Variants in PFKL observed in about 807,000 individuals in gnomAD.
The protein encoded by PFKL is ATP-dependent 6-phosphofructokinase, liver type.
Under a neutral mutation model 92.1 loss-of-function variants are expected in PFKL, and 74 were observed. The observed-to-expected ratio is 0.80, with a 90% confidence interval of 0.67 to 0.97. The LOEUF (loss-of-function observed/expected upper bound fraction) is 0.97. Among genes scored for constraint, PFKL ranks in the 50% least tolerant of loss-of-function variants. The pLI is 0.00. For synonymous variants in PFKL, 494 were observed against 456.4 expected, an observed-to-expected ratio of 1.08 and a Z score of -1.05; for missense variants, 1,028 against 1,116.6, an observed-to-expected ratio of 0.92 and a Z score of 1.13.
chr21:44,312,382 G>C, intron 4 of PFKL, 88 bp downstream of exon 4: 1 of 1,249,774 alleles, frequency 8.0e-7, no homozygotes, highest in Non-Finnish European at 1.1e-6. Flanking sequence ...AGAGGGACGA[G>C]GGATCCCTGG....
At position 44,327,227 on chromosome 21, in the gene PFKL, C is replaced by T. The variant is rs908456625; in HGVS notation, c.*365C>T. ...TGGGCCAGCCCTTGCTCTACCTGGC[C>T]GGTAGGCTGCTGGCGCCTAGGTTGT... On this transcript the variant is annotated 3_prime_UTR_variant, in exon 22 of 22. Coordinates refer to ENST00000349048, the MANE Select transcript of PFKL (RefSeq NM_002626.6). 6 of 279,228 alleles carry T rather than the reference C, an allele frequency of 2.1e-5. No individual in the cohort carries two copies. Among genetic ancestry groups the T allele is most frequent in the South Asian group, 1.7e-4 (3 of 17,424 alleles). 17.3% of individuals were successfully genotyped at this position (279,228 alleles called of 1,614,324 possible). A position where few individuals can be genotyped will look rare whatever the true frequency, so the allele number is the denominator to read the frequency against.
At position 44,319,306 on chromosome 21, in the gene PFKL, C is replaced by G. The variant is rs118051904; in HGVS notation, c.1063-45C>G. On this transcript the variant is annotated intron_variant, in intron 10 of 21. Coordinates refer to ENST00000349048, the MANE Select transcript of PFKL (RefSeq NM_002626.6). ...AGACAGGGCAGTAGCCATGGGTGTG[C>G]GGGCCAGGCTCTCCATAGTCTGTGT... The G allele has an allele frequency of 3.1e-4, 480 of 1,532,002 alleles. 2 individuals are homozygous for G. The East Asian group carries it at 0.01, about 33-fold the overall frequency. The allele number at this position is 1,532,002 out of a possible 1,614,324, so 94.9% of individuals were successfully genotyped here.
At chr21:44,320,031 T>C in intron 11 of PFKL, 53 bp from the exon 12 acceptor site, 1 of 1,516,072 alleles carries the variant, frequency 6.6e-7, no homozygotes, top group Non-Finnish European at 9.2e-7. Flanking sequence ...GCGCTGTGGC[T>C]GTACGCCGTG....
chr21:44,318,861 A>G (rs118006798), intron 10 of PFKL, among the ~76,000 whole-genome samples: 121 of 152,306 alleles, frequency 7.9e-4, no homozygotes, highest in South Asian at 1.7e-3. Context: ...GTCCACGGCC[A>G]CTGAGCTTCT....
At chr21:44,305,523 C>T in intron 1 of PFKL, 1 of 1,040,952 alleles carries the variant, frequency 9.6e-7, no homozygotes, top group Non-Finnish European at 1.3e-6. Context: ...GGATGGATGG[C>T]ATGGTATGGG....
At chr21:44,308,761 C>T (rs2041029101) in intron 2 of PFKL, among the ~76,000 whole-genome samples, 1 of 152,014 alleles carries the variant, frequency 6.6e-6, no homozygotes, top group Non-Finnish European at 1.5e-5. Flanking sequence ...GGGGTTTCAC[C>T]ATGTTGGCCA....
Position 44,300,161 on chromosome 21 carries a change from G to T in PFKL, c.56G>T (p.Gly19Val). The stretch of plus-strand genomic sequence containing the variant: ...GCGTCGGGCGCGGGCAAGGCCATCG[G>T]CGTCCTGACCAGCGGCGGCGACGCG... Reference protein sequence around the residue: ...LRASGAGKAIGVLTSGGDAQG... With the variant: ...LRASGAGKAIVVLTSGGDAQG... The change falls in exon 1 of 22, where the codon GGC (glycine) becomes GTC (valine). Residue 19 changes from glycine to valine, a missense_variant. Coordinates refer to ENST00000349048, the MANE Select transcript of PFKL (RefSeq NM_002626.6). The T allele has an allele frequency of 1.7e-6, 2 of 1,188,536 alleles. No individual in the cohort carries two copies. Among genetic ancestry groups the T allele is most frequent in the Non-Finnish European group, 2.1e-6 (2 of 946,528 alleles). 73.6% of individuals were successfully genotyped at this position (1,188,536 alleles called of 1,614,324 possible).
chr21:44,314,275 C>G (rs2047139160), intron 7 of PFKL: 1 of 526,408 alleles, frequency 1.9e-6, no homozygotes, highest in South Asian at 2.3e-5. Flanking sequence ...CCAGGCTCAG[C>G]CCCGTGGTCA....
intron 12 of PFKL, 25 bp from the exon 13 acceptor site, chr21:44,321,704 C>G: frequency 6.6e-7 from 1 of 1,522,190 alleles, no homozygotes; most frequent in Non-Finnish European, 8.8e-7. Flanking sequence ...CTGTGCCTCA[C>G]GCTCATCTCC....
chr21:44,325,164 G>A lies in PFKL; in HGVS notation c.1889G>A (p.Cys630Tyr). Residue 630 changes from cysteine (C) to tyrosine (Y), a missense_variant, in exon 19 of 22, where the codon TGC becomes TAC. Physicochemically the swap from Cys to Tyr is radical, Grantham distance 194 (BLOSUM62 -2). Coordinates refer to ENST00000349048, the MANE Select transcript of PFKL (RefSeq NM_002626.6). The part of the protein sequence containing the change: ...QRGLVLRNEK[C>Y]HDYYTTEFLY... ...GCTGCCCCTCTCAGGAACGAGAAGT[G>A]CCATGACTACTACACCACGGAGTTC... The A allele has an allele frequency of 6.2e-7, 1 of 1,610,886 alleles. No individual in the cohort carries two copies. The highest frequency in any genetic ancestry group is 8.5e-7 in the Non-Finnish European group (1 of 1,177,770).
At chr21:44,311,784 G>A (rs922471966) in intron 3 of PFKL, among the ~76,000 whole-genome samples, 1 of 152,174 alleles carries the variant, frequency 6.6e-6, no homozygotes, top group African/African-American at 2.4e-5. Flanking sequence ...GGGCCTGTGT[G>A]TGCACGTGTG....
At chr21:44,315,887 C>T (rs1316258410) in intron 7 of PFKL, 1 of 332,968 alleles carries the variant, frequency 3.0e-6, no homozygotes, top group Admixed American at 4.4e-5. Context: ...CCCCGTGGAG[C>T]TGCAGCCCTG....
At chr21:44,310,537 C>A (rs1035077826) in intron 2 of PFKL, among the ~76,000 whole-genome samples, 1 of 152,208 alleles carries the variant, frequency 6.6e-6, no homozygotes, top group African/African-American at 2.4e-5. Context: ...ACAGCAAGAG[C>A]ACGCGCCGCA....
At chr21:44,321,668 G>A (rs1318830360) in intron 12 of PFKL, 61 bp from the exon 13 acceptor site, 4 of 1,456,136 alleles carry the variant, frequency 2.7e-6, no homozygotes, top group South Asian at 2.9e-5. Context: ...CTGACCTCCT[G>A]TGCAGGTTGG....
Position 44,320,104 on chromosome 21 carries a change from A to G in PFKL, c.1148A>G (p.Asn383Ser). Residue 383 changes from asparagine to serine, a missense_variant, in exon 12 of 22, where the codon AAC (asparagine) becomes AGC (serine). By Grantham distance (46) the Asn-to-Ser change is conservative. Coordinates refer to ENST00000349048, the MANE Select transcript of PFKL (RefSeq NM_002626.6). ...TCCAGGAGCTTCGAGAACAACTGGA[A>G]CATTTACAAGCTCCTCGCCCACCAG... Reference protein sequence around the residue: ...LRGGSFENNWNIYKLLAHQKP... With the variant: ...LRGGSFENNWSIYKLLAHQKP... The G allele has an allele frequency of 6.2e-7, 1 of 1,613,564 alleles. No individual in the cohort carries two copies. Among genetic ancestry groups the G allele is most frequent in the Non-Finnish European group, 8.5e-7 (1 of 1,179,852 alleles).
intron 2 of PFKL, 107 bp from the exon 3 acceptor site, chr21:44,310,899 C>A: frequency 1.3e-6 from 1 of 795,618 alleles, no homozygotes; most frequent in Non-Finnish European, 2.1e-6. Flanking sequence ...ACAGTCAGCA[C>A]CCTGGTCCTG....
In PFKL at chr21:44,320,158, G is replaced by A. The variant is rs2047321307; in HGVS notation, c.1191+11G>A. ...CCCCCCAAGGAGAAGGTGAGGCAGGGAGCGGCGCCCACAGAGGGAGGAACG... is the reference window on the plus strand; with the variant it reads ...CCCCCCAAGGAGAAGGTGAGGCAGGAAGCGGCGCCCACAGAGGGAGGAACG... On this transcript the variant is annotated intron_variant, in intron 12 of 21. Transcript: ENST00000349048. 6.2e-7 allele frequency: 1 copy of A among 1,611,596 alleles called. No homozygotes were observed. Among genetic ancestry groups the A allele is most frequent in the Admixed American group, 1.7e-5 (1 of 59,988 alleles).
At chr21:44,326,081 G>A (rs376813964) in intron 20 of PFKL, 21 bp downstream of exon 20, 41 of 1,610,104 alleles carry the variant, frequency 2.5e-5, no homozygotes, top group African/African-American at 2.0e-4. Context: ...GGTGCGACCC[G>A]AGGCCTCACT....
At chr21:44,303,943 A>G (rs1297552618) in intron 1 of PFKL, among the ~76,000 whole-genome samples, 2 of 152,070 alleles carry the variant, frequency 1.3e-5, no homozygotes, top group Admixed American at 6.5e-5. Flanking sequence ...AAAGCCGATT[A>G]AAGGGCCATT....
Sources: allele counts gnomAD v4.1 joint callset (sites outside exome capture counted in the v4.1 genomes callset), GRCh38; gene constraint gnomAD v4.1.1; transcripts MANE v1.5; gene names NCBI Gene and HGNC (gene_info 2026-07-23, HGNC 2026-07-21).